Variants in ZNF398 observed in about 807,000 individuals in gnomAD.
ZNF398 encodes zinc finger protein 398, also known as zinc finger DNA binding protein ZER6.
In ZNF398, 18 loss-of-function variants were observed where a neutral mutation model predicts 41.9. The observed-to-expected ratio is 0.43, with a 90% CI of 0.30 to 0.64. ZNF398 has a LOEUF of 0.64. Among genes scored for constraint, ZNF398 ranks in the 30% least tolerant of loss-of-function variants. ZNF398 has a pLI of 0.14. For missense variants in ZNF398, 669 were observed against 822.8 expected (o/e 0.81, Z 2.29); for synonymous variants, 260 against 308.8 (o/e 0.84, Z 1.66).
Position 149,156,504 on chromosome 7 carries a change from CAAAAAAAAAAA to C in ZNF398, c.420+2177_420+2187del, listed in dbSNP as rs1184656145. Among the ~76,000 whole-genome samples the C allele has an allele frequency of 7.7e-4, 28 of 36,484 alleles. No individual in the cohort carries two copies. The Admixed American group carries it at 7.9e-3, about 10-fold the overall frequency. The allele number at this position is 36,484 out of a possible 152,430, so 23.9% of individuals were successfully genotyped here. ...CAGGCAACAGGGCGAGACTCCATCT[CAAAAAAAAAAA>C]AAAAAAAAAAAAGAGTTACTGATGG... On this transcript the variant is annotated intron_variant, in intron 2 of 5. Transcript: ENST00000475153.
rs1795555898 is a variant in ZNF398, at chr7:149,179,940, CTAGAG to C, written c.*140_*144del. The C allele has an allele frequency of 2.4e-4, 28 of 117,274 alleles. 1 individual carries two copies. The South Asian group carries it at 0.013, about 53-fold the overall frequency. The allele number at this position is 117,274 out of a possible 1,614,324, so 7.3% of individuals were successfully genotyped here. ...TGAATTTGGGGTCCTATACACTTGA[CTAGAG>C]ACATGCTTGTGTTTTGGAATTTCAC... On this transcript the variant is annotated 3_prime_UTR_variant, in exon 6 of 6. Coordinates refer to ENST00000475153, the MANE Select transcript of ZNF398 (RefSeq NM_170686.3). The surrounding 1 kb of genome is among the most constrained non-coding windows in gnomAD (Gnocchi z 6.1).
At chr7:149,163,811 A>G (rs1185798961) in intron 2 of ZNF398, among the ~76,000 whole-genome samples, 2 of 152,168 alleles carry the variant, frequency 1.3e-5, no homozygotes, top group African/African-American at 4.8e-5. Flanking sequence ...AACAAGAAAG[A>G]AATACCCTGA....
chr7:149,155,828 G>A (rs531418239), intron 2 of ZNF398, among the ~76,000 whole-genome samples: 91 of 150,236 alleles, frequency 6.1e-4, no homozygotes, highest in African/African-American at 2.1e-3. Context: ...CCGGGTTCAC[G>A]CCATTCTCCT....
chr7:149,161,346 G>A (rs574856104), intron 2 of ZNF398, among the ~76,000 whole-genome samples: 451 of 152,274 alleles, frequency 3.0e-3, no homozygotes, highest in Middle Eastern at 0.01. Flanking sequence ...TTGAGGCCAG[G>A]TGTAGGACAC....
At chr7:149,152,547 C>T (rs1192824898) in intron 1 of ZNF398, among the ~76,000 whole-genome samples, 1 of 151,424 alleles carries the variant, frequency 6.6e-6, no homozygotes, top group Non-Finnish European at 1.5e-5. Flanking sequence ...GCGTGAGCCA[C>T]CGCGCCTGGC....
At position 149,155,731 on chromosome 7, in the gene ZNF398, A is replaced by ATT. The variant is rs1235445656; in HGVS notation, c.420+1403_420+1404dup. On this transcript the variant is annotated intron_variant, in intron 2 of 5. Transcript: ENST00000475153. ...TATTTTTTTTTTTTTTTTTTTTTTA[A>ATT]TTTTTTTTTTTTTGAGATGGAGTCT... Among the ~76,000 whole-genome samples the ATT allele has an allele frequency of 1.4e-4, 8 of 56,920 alleles. 1 individual carries two copies. In the South Asian group the frequency reaches 3.1e-3, roughly 22 times the overall value. The allele number at this position is 56,920 out of a possible 152,430, so 37.3% of individuals were successfully genotyped here. A position where few individuals can be genotyped will look rare whatever the true frequency, so the allele number is the denominator to read the frequency against.
At chr7:149,148,489 G>C in intron 1 of ZNF398, 1 of 985,492 alleles carries the variant, frequency 1.0e-6, no homozygotes, top group Non-Finnish European at 1.2e-6. Flanking sequence ...GAGGTCTTTG[G>C]TCACCTCTAG....
chr7:149,150,925 G>A (rs1050129959), intron 1 of ZNF398, among the ~76,000 whole-genome samples: 1 of 152,144 alleles, frequency 6.6e-6, no homozygotes, highest in Non-Finnish European at 1.5e-5. Flanking sequence ...GGTCAGGCTG[G>A]TCTCAAACTC....
upstream of ZNF398, among the ~76,000 whole-genome samples, chr7:149,142,661 C>T (rs1484221205): frequency 2.0e-5 from 3 of 152,074 alleles, no homozygotes; most frequent in Non-Finnish European, 4.4e-5. Context: ...AGCGAGACTC[C>T]GTCTAAAAAC....
intron 4 of ZNF398, among the ~76,000 whole-genome samples, chr7:149,176,204 G>C (rs973264361): frequency 1.3e-5 from 2 of 151,986 alleles, no homozygotes; most frequent in Admixed American, 6.6e-5. Context: ...TTAGCTGGGC[G>C]TGGTGGCAGG....
At position 149,183,013 on chromosome 7, in the gene ZNF398, C is replaced by T. The variant is rs1195813952; in HGVS notation, c.*3212C>T. ...CTCGGTAATAACAGTCCACACAAGC[C>T]TCGTTGATATTAAAAAAAAAAAAAA... On this transcript the variant is annotated 3_prime_UTR_variant, in exon 6 of 6. Transcript: ENST00000475153. Among the ~76,000 whole-genome samples, 1 of 132,412 alleles carries T rather than the reference C, an allele frequency of 7.6e-6. No homozygotes were observed. The highest frequency in any genetic ancestry group is 1.6e-5 in the Non-Finnish European group (1 of 63,580). The allele number at this position is 132,412 out of a possible 152,430, so 86.9% of individuals were successfully genotyped here.
chr7:149,141,868 C>T (rs189349319), intron 2 of ZNF398, among the ~76,000 whole-genome samples: 88 of 152,280 alleles, frequency 5.8e-4, no homozygotes, highest in African/African-American at 2.0e-3. Context: ...GGATTACAGG[C>T]GTGAGCCACT....
chr7:149,161,079 C>T (rs541534370), intron 2 of ZNF398, among the ~76,000 whole-genome samples: 2 of 152,088 alleles, frequency 1.3e-5, no homozygotes, highest in Non-Finnish European at 2.9e-5. Context: ...CCCTTTGGCA[C>T]TGTGTCTCCT....
intron 1 of ZNF398, among the ~76,000 whole-genome samples, chr7:149,128,044 T>C (rs1826522297): frequency 6.6e-6 from 1 of 152,214 alleles, no homozygotes; most frequent in Non-Finnish European, 1.5e-5. Flanking sequence ...GCTTTTGTGA[T>C]TCATCCATGT....
rs1295565050 is a variant in ZNF398 at position 149,181,869 on chromosome 7, T to G, written c.*2068T>G. ...TCCCAAAGCCAAGGTTCTGGCTTCA[T>G]TGGCAACCCACTAGGAACTTGAATG... On this transcript the variant is annotated 3_prime_UTR_variant, in exon 6 of 6. Transcript: ENST00000475153. The G allele has an allele frequency of 6.6e-6, 1 of 152,216 alleles. No individual in the cohort carries two copies. The highest frequency in any genetic ancestry group is 1.5e-5 in the Non-Finnish European group (1 of 68,042). The allele number at this position is 152,216 out of a possible 1,614,324, so 9.4% of individuals were successfully genotyped here.
In ZNF398 at chr7:149,179,986, C is replaced by T. The variant is rs1470190491; in HGVS notation, c.*185C>T. On this transcript the variant is annotated 3_prime_UTR_variant, in exon 6 of 6. Coordinates refer to ENST00000475153, the MANE Select transcript of ZNF398 (RefSeq NM_170686.3). The surrounding 1 kb of genome is among the most constrained non-coding windows in gnomAD (Gnocchi z 6.1). The stretch of plus-strand genomic sequence containing the variant: ...GGAATTTCACACCCTTACAAGAATA[C>T]CACATTTTGAAACCCAGAAAGACCT... The T allele has an allele frequency of 7.6e-6, 4 of 523,706 alleles. No individual in the cohort carries two copies. Among genetic ancestry groups the T allele is most frequent in the Non-Finnish European group, 1.3e-5 (4 of 312,240 alleles). 32.4% of individuals were successfully genotyped at this position (523,706 alleles called of 1,614,324 possible).
chr7:149,164,136 A>C (rs1261410705), intron 2 of ZNF398, among the ~76,000 whole-genome samples: 2 of 148,612 alleles, frequency 1.3e-5, no homozygotes, highest in African/African-American at 5.0e-5. Flanking sequence ...GGCCGGGCGC[A>C]GTGGCTTGAG....
At chr7:149,172,140 T>C (rs1402019924) in intron 4 of ZNF398, among the ~76,000 whole-genome samples, 1 of 152,230 alleles carries the variant, frequency 6.6e-6, no homozygotes, top group African/African-American at 2.4e-5. Flanking sequence ...GGGGAAGTTT[T>C]GTATCAGCAT....
At chr7:149,162,989 A>G (rs1033972367) in intron 2 of ZNF398, among the ~76,000 whole-genome samples, 6 of 152,092 alleles carry the variant, frequency 3.9e-5, no homozygotes, top group Non-Finnish European at 8.8e-5. Context: ...AAATATATAT[A>G]TATTCATTCA....
Sources: gnomAD v4.1 joint callset for allele counts (sites outside exome capture counted in the v4.1 genomes callset) on GRCh38, gnomAD v4.1.1 for gene constraint, Gnocchi (gnomAD v3.1) non-coding constraint, MANE v1.5 for transcripts, NCBI Gene and HGNC (gene_info 2026-07-23, HGNC 2026-07-21) for gene names.